GPC3: variants seen among roughly 807,000 people sequenced by gnomAD.
GPC3 encodes the protein glypican 3.
GPC3 carries 3 observed loss-of-function variants against 34.4 expected under a neutral mutation model. That is an observed-to-expected ratio of 0.09 (90% CI 0.04 to 0.23). The LOEUF is 0.23. GPC3 is among the 10% of genes least tolerant of loss of function. The pLI, the probability that GPC3 is intolerant of heterozygous loss-of-function variation, is 1.00. For missense variants in GPC3, 351 were observed against 445.6 expected, an observed-to-expected ratio of 0.79 and a Z score of 1.91; for synonymous variants, 177 against 174.0, an observed-to-expected ratio of 1.02 and a Z score of -0.13.
chrX:133,753,961 G>A lies in GPC3; in HGVS notation c.553C>T (p.Pro185Ser), dbSNP rs749735623. 8.3e-7 allele frequency: 1 copy of A among 1,210,529 alleles called. No individual in the cohort carries two copies. Among genetic ancestry groups the A allele is most frequent in the Non-Finnish European group, 1.1e-6 (1 of 894,545 alleles). Residue 185 changes from proline (P) to serine (S), a missense_variant, in exon 3 of 8, where the codon CCA (proline) becomes TCA (serine). Pro to Ser is a moderately conservative substitution (Grantham distance 74). Coordinates refer to ENST00000370818, the MANE Select transcript of GPC3 (RefSeq NM_004484.4). ...TCCAAGGCTGAATCAGGCAGGCCTG[G>A]GTTCATTAGCTGGGTATAGATGACT... The part of the protein sequence containing the change: ...FPVIYTQLMN[P>S]GLPDSALDIN...
intron 2 of GPC3, among the ~76,000 whole-genome samples, chrX:133,806,638 TATTTA>T (rs1361115315): frequency 9.3e-6 from 1 of 108,084 alleles, no homozygotes; most frequent in Non-Finnish European, 1.9e-5. Flanking sequence ...TGTTTTATTT[TATTTA>T]TTTATTTATT....
chrX:133,622,416 A>T (rs919309721), intron 6 of GPC3, among the ~76,000 whole-genome samples: 1 of 112,053 alleles, frequency 8.9e-6, no homozygotes, highest in Non-Finnish European at 1.9e-5. Flanking sequence ...CCTTGAAAAA[A>T]GATTAGATGA....
chrX:133,674,838 C>G (rs1486874945), intron 5 of GPC3, among the ~76,000 whole-genome samples: 1 of 111,970 alleles, frequency 8.9e-6, no homozygotes, highest in African/African-American at 3.3e-5. Flanking sequence ...TCAAATCTCT[C>G]TGCTCAGAAC....
At chrX:133,939,934 A>G (rs1290923786) in intron 2 of GPC3, among the ~76,000 whole-genome samples, 1 of 111,626 alleles carries the variant, frequency 9.0e-6, no homozygotes, top group Non-Finnish European at 1.9e-5. Context: ...CCTGATCTTT[A>G]TCAGGGAAAA....
rs1316555005 is a variant in GPC3, at chrX:133,535,968, G to A, written c.*156C>T. 1.8e-5 allele frequency: 8 copies of A among 438,894 alleles called. No individual in the cohort carries two copies. The highest frequency in any genetic ancestry group is 3.8e-5 in the South Asian group (1 of 26,602). 36.2% of individuals were successfully genotyped at this position (438,894 alleles called of 1,213,427 possible). On this transcript the variant is annotated 3_prime_UTR_variant, in exon 8 of 8. Coordinates refer to ENST00000370818, the MANE Select transcript of GPC3 (RefSeq NM_004484.4). The stretch of plus-strand genomic sequence containing the variant: ...CTCCAAAAGATACCATTTGATTTTC[G>A]AAAACATAACACATGGTTAGTCCTC...
chrX:133,859,616 T>C (rs2075925821), intron 2 of GPC3, among the ~76,000 whole-genome samples: 1 of 111,883 alleles, frequency 8.9e-6, no homozygotes, highest in Non-Finnish European at 1.9e-5. Flanking sequence ...TTCAGGTTTC[T>C]GACAAAGAGA....
chrX:133,896,916 T>C (rs1019314608), intron 2 of GPC3, among the ~76,000 whole-genome samples: 49 of 104,669 alleles, frequency 4.7e-4, no homozygotes, highest in South Asian at 1.4e-3. Flanking sequence ...CTTTTTTTTT[T>C]TTTTTTTTGA....
chrX:133,634,800 G>A (rs1395840516), intron 6 of GPC3, among the ~76,000 whole-genome samples: 1 of 111,756 alleles, frequency 8.9e-6, no homozygotes, highest in Non-Finnish European at 1.9e-5. Context: ...ATTTTGCATT[G>A]TACATTTACA....
chrX:133,945,343 A>T (rs1348171493), intron 2 of GPC3, among the ~76,000 whole-genome samples: 1 of 111,503 alleles, frequency 9.0e-6, no homozygotes, highest in Non-Finnish European at 1.9e-5. Context: ...GCGAGCTGAG[A>T]TAGTGCCACT....
chrX:133,622,476 G>C (rs1382382034), intron 6 of GPC3, among the ~76,000 whole-genome samples: 1 of 111,891 alleles, frequency 8.9e-6, no homozygotes, highest in Non-Finnish European at 1.9e-5. Flanking sequence ...TGGAGTGAGT[G>C]CTTCTCTGAT....
rs186250953 is a variant in GPC3, at chrX:133,707,036, A to C, written c.1033-7008T>G. ...TACTACTCAGCCATAAACAAGCATG[A>C]AATATTGCCCCTTGCAGCAACATGG... On this transcript the variant is annotated intron_variant, in intron 3 of 7. Transcript: ENST00000370818. 1.2e-4 allele frequency among the ~76,000 whole-genome samples: 14 copies of C among 112,305 alleles called. No homozygotes were observed. In the East Asian group the frequency reaches 2.5e-3, roughly 20 times the overall value.
intron 4 of GPC3, among the ~76,000 whole-genome samples, chrX:133,699,130 T>C (rs2071142489): frequency 8.9e-6 from 1 of 111,788 alleles, no homozygotes; most frequent in Non-Finnish European, 1.9e-5. Flanking sequence ...CTCACGAGAA[T>C]GGCTTTAACC....
chrX:133,915,000 T>A (rs1332015051), intron 2 of GPC3, among the ~76,000 whole-genome samples: 1 of 97,743 alleles, frequency 1.0e-5, no homozygotes, highest in East Asian at 3.1e-4. Flanking sequence ...TATTCTTTTC[T>A]TTATAAAATT....
intron 2 of GPC3, among the ~76,000 whole-genome samples, chrX:133,896,160 G>A (rs764809320): frequency 2.7e-5 from 3 of 111,274 alleles, no homozygotes; most frequent in South Asian, 3.8e-4. Flanking sequence ...TCAGGAGTTC[G>A]AGACCAGGCT....
intron 2 of GPC3, among the ~76,000 whole-genome samples, chrX:133,800,945 T>C (rs778362137): frequency 8.9e-6 from 1 of 112,085 alleles, no homozygotes; most frequent in Non-Finnish European, 1.9e-5. Flanking sequence ...ATCTAGTCCA[T>C]TTCAAATACT....
At chrX:133,838,667 G>A (rs942611184) in intron 2 of GPC3, among the ~76,000 whole-genome samples, 2 of 112,060 alleles carry the variant, frequency 1.8e-5, no homozygotes, top group Non-Finnish European at 3.8e-5. Context: ...TGTGGATTCA[G>A]TAATTTGCTT....
chrX:133,901,145 T>C (rs1420625982), intron 2 of GPC3, among the ~76,000 whole-genome samples: 1 of 111,977 alleles, frequency 8.9e-6, no homozygotes, highest in Non-Finnish European at 1.9e-5. Flanking sequence ...AATAGATGTA[T>C]TTAATGGCAT....
intron 1 of GPC3, among the ~76,000 whole-genome samples, chrX:133,956,389 A>G (rs917021460): frequency 1.8e-5 from 2 of 112,292 alleles, no homozygotes; most frequent in African/African-American, 3.2e-5. Flanking sequence ...ATGCTATTCT[A>G]GGAATAGGAA....
intron 6 of GPC3, among the ~76,000 whole-genome samples, chrX:133,641,065 T>C (rs2070476141): frequency 9.1e-6 from 1 of 110,217 alleles, no homozygotes; most frequent in Admixed American, 9.8e-5. Flanking sequence ...ATTCACCTTG[T>C]TTTCTTTAAG....
Sources: gnomAD v4.1 joint callset for allele counts (sites outside exome capture counted in the v4.1 genomes callset) on GRCh38, gnomAD v4.1.1 for gene constraint, MANE v1.5 for transcripts, NCBI Gene and HGNC (gene_info 2026-07-23, HGNC 2026-07-21) for gene names.